TMEM132B: variants seen among roughly 807,000 people sequenced by gnomAD.
The protein encoded by TMEM132B is transmembrane protein 132B.
A neutral mutation model predicts 90.8 loss-of-function variants in TMEM132B; 18 were observed. That is an observed-to-expected ratio of 0.20 (90% confidence interval 0.14 to 0.29). TMEM132B has a LOEUF of 0.29. Ranked by LOEUF, TMEM132B falls within the 10% of genes least tolerant of loss-of-function variation. The probability of loss-of-function intolerance (pLI) is 1.00; values close to 1 mark genes in which losing one functional copy is unlikely to be tolerated. For missense variants in TMEM132B, 1,096 were observed against 1,326.8 expected (o/e 0.83, Z 2.70); for synonymous variants, 504 against 523.3 (o/e 0.96, Z 0.50).
chr12:125,536,993 T>C (rs1883819955), intron 4 of TMEM132B, among the ~76,000 whole-genome samples: 1 of 152,202 alleles, frequency 6.6e-6, no homozygotes, highest in African/African-American at 2.4e-5. Flanking sequence ...TTGGGATTTT[T>C]TAAAAAAAAT....
intron 1 of TMEM132B, among the ~76,000 whole-genome samples, chr12:125,232,287 T>G (rs1201514818): frequency 6.6e-6 from 1 of 152,244 alleles, no homozygotes; most frequent in African/African-American, 2.4e-5. Flanking sequence ...ATTCTTTTGT[T>G]TAATTCTTTT....
chr12:125,372,237 A>ACAGGGATT (rs2136272299), intron 2 of TMEM132B, among the ~76,000 whole-genome samples: 1 of 152,356 alleles, frequency 6.6e-6, no homozygotes, highest in Admixed American at 6.5e-5. Context: ...CTTCTTGCAG[A>ACAGGGATT]CAGGGATTGC....
intron 5 of TMEM132B, among the ~76,000 whole-genome samples, chr12:125,608,723 A>G (rs1566088127): frequency 6.6e-6 from 1 of 152,142 alleles, no homozygotes; most frequent in Non-Finnish European, 1.5e-5. Flanking sequence ...ATCTTTAATC[A>G]TTTAGAATTA....
chr12:125,194,866 A>G (rs1266266084), intron 1 of TMEM132B, among the ~76,000 whole-genome samples: 1 of 152,188 alleles, frequency 6.6e-6, no homozygotes. Flanking sequence ...GCAGCAGCGA[A>G]TCATAACTTT....
intron 3 of TMEM132B, among the ~76,000 whole-genome samples, chr12:125,472,616 T>G (rs1881753348): frequency 6.6e-6 from 1 of 152,150 alleles, no homozygotes; most frequent in Non-Finnish European, 1.5e-5. Context: ...AGTTAATTCT[T>G]AATGTGATGG....
chr12:125,511,902 T>A (rs768467491), intron 3 of TMEM132B, among the ~76,000 whole-genome samples: 13 of 151,094 alleles, frequency 8.6e-5, no homozygotes, highest in Non-Finnish European at 1.3e-4. Flanking sequence ...CCAAATTTCC[T>A]AGCTGGAAAT....
chr12:125,288,412 A>G (rs35442044), intron 1 of TMEM132B, among the ~76,000 whole-genome samples: 20,326 of 149,732 alleles, frequency 0.14, 1,566 homozygotes, highest in African/African-American at 0.2. Flanking sequence ...GCAGTGAGCC[A>G]ACATCGCGCC....
intron 3 of TMEM132B, among the ~76,000 whole-genome samples, chr12:125,452,430 A>G (rs1881178233): frequency 6.6e-6 from 1 of 152,230 alleles, no homozygotes; most frequent in Non-Finnish European, 1.5e-5. Flanking sequence ...TGTTTCTAAT[A>G]ATGATGGGTT....
chr12:125,654,728 G>A lies in TMEM132B; in HGVS notation c.*18G>A. 6.2e-7 allele frequency: 1 copy of A among 1,603,622 alleles called. No homozygotes were observed. The highest frequency in any genetic ancestry group is 8.5e-7 in the Non-Finnish European group (1 of 1,174,362). ...AGATGTAAACTCCTTTCTTATGTTT[G>A]TATTCACCTTTATGCCTTCTGTTTT... is the stretch of plus-strand genomic sequence containing the variant. On this transcript the variant is annotated 3_prime_UTR_variant, in exon 9 of 9. Coordinates refer to ENST00000682704, the MANE Select transcript of TMEM132B (RefSeq NM_001366854.1). This position sits in a 1 kb window ranked among gnomAD's most constrained non-coding sequence, Gnocchi z 5.8.
At chr12:125,300,420 C>G (rs1347857363) in intron 1 of TMEM132B, among the ~76,000 whole-genome samples, 1 of 152,092 alleles carries the variant, frequency 6.6e-6, no homozygotes, top group Non-Finnish European at 1.5e-5. Context: ...TGAGCCAGCC[C>G]CCAAGTGGCA....
chr12:125,322,086 T>A (rs1247034704), intron 1 of TMEM132B, among the ~76,000 whole-genome samples: 1 of 152,198 alleles, frequency 6.6e-6, no homozygotes, highest in African/African-American at 2.4e-5. Flanking sequence ...TTTGTCTGTG[T>A]CCCCACCCAA....
chr12:125,298,489 C>T (rs1020781179), intron 1 of TMEM132B, among the ~76,000 whole-genome samples: 8 of 151,674 alleles, frequency 5.3e-5, no homozygotes, highest in South Asian at 4.2e-4. Flanking sequence ...GCCTGGCCAA[C>T]GTGGTGAAAC....
chr12:125,242,913 C>T (rs1256085919), intron 1 of TMEM132B, among the ~76,000 whole-genome samples: 2 of 151,886 alleles, frequency 1.3e-5, no homozygotes, highest in African/African-American at 4.8e-5. Flanking sequence ...GCCACCACCT[C>T]TCTCTAGTCC....
chr12:125,272,483 G>A (rs935263653), intron 1 of TMEM132B, among the ~76,000 whole-genome samples: 1 of 152,028 alleles, frequency 6.6e-6, no homozygotes, highest in African/African-American at 2.4e-5. Context: ...GATCCCCTGC[G>A]CCCAGGCCTG....
intron 3 of TMEM132B, among the ~76,000 whole-genome samples, chr12:125,506,304 T>A (rs1276541751): frequency 6.6e-6 from 1 of 152,196 alleles, no homozygotes; most frequent in African/African-American, 2.4e-5. Context: ...TATATGAAAT[T>A]CTAGAAATGG....
At chr12:125,339,342 C>T (rs1354976045) in intron 1 of TMEM132B, among the ~76,000 whole-genome samples, 1 of 146,336 alleles carries the variant, frequency 6.8e-6, no homozygotes, top group East Asian at 2.2e-4. Flanking sequence ...GGCCGCCTGC[C>T]TTCTATGCCA....
At chr12:125,570,327 C>A (rs1476367769) in intron 4 of TMEM132B, among the ~76,000 whole-genome samples, 1 of 152,214 alleles carries the variant, frequency 6.6e-6, no homozygotes, top group Non-Finnish European at 1.5e-5. Context: ...GTAAGGCCTA[C>A]TGCATGACCA....
intron 1 of TMEM132B, among the ~76,000 whole-genome samples, chr12:125,254,758 A>C (rs1461479017): frequency 6.9e-6 from 1 of 144,922 alleles, no homozygotes; most frequent in Non-Finnish European, 1.5e-5. Context: ...ATCTCAGCTC[A>C]CTGCAACCTC....
rs2137072988 is a variant in TMEM132B, at chr12:125,660,374, G to A, written c.*5664G>A. ...AAAGAAGGATAAAAGAAAGTTTGAA[G>A]TAAGATTTGTAAAAGAATGAACACT... On this transcript the variant is annotated 3_prime_UTR_variant, in exon 9 of 9. Coordinates refer to ENST00000682704, the MANE Select transcript of TMEM132B (RefSeq NM_001366854.1). 6.6e-6 allele frequency: 1 copy of A among 152,300 alleles called. No homozygotes were observed. The highest frequency in any genetic ancestry group is 6.5e-5 in the Admixed American group (1 of 15,306). 9.4% of individuals were successfully genotyped at this position (152,300 alleles called of 1,614,324 possible). A position where few individuals can be genotyped will look rare whatever the true frequency, so the allele number is the denominator to read the frequency against.
Sources: allele counts gnomAD v4.1 joint callset (sites outside exome capture counted in the v4.1 genomes callset), GRCh38; gene constraint gnomAD v4.1.1; non-coding constraint Gnocchi (gnomAD v3.1); transcripts MANE v1.5; gene names NCBI Gene and HGNC (gene_info 2026-07-23, HGNC 2026-07-21).